Variants in PRIM2 observed in about 807,000 individuals in gnomAD.
PRIM2 encodes the protein DNA primase subunit 2.
PRIM2 carries 39 observed loss-of-function variants against 67.3 expected under a neutral mutation model. That is an observed-to-expected ratio of 0.58 (90% confidence interval 0.45 to 0.76). PRIM2 has a LOEUF of 0.76. Among genes scored for constraint, PRIM2 ranks in the 30% least tolerant of loss-of-function variants. The pLI, the probability that PRIM2 is intolerant of heterozygous loss-of-function variation, is 0.00. For missense variants in PRIM2, 398 were observed against 598.7 expected, an observed-to-expected ratio of 0.66 and a Z score of 3.50; for synonymous variants, 143 against 198.7, an observed-to-expected ratio of 0.72 and a Z score of 2.36.
the PRIM2 span, among the ~76,000 whole-genome samples, chr6:57,264,889 G>C: frequency 3.9e-5 from 6 of 152,026 alleles, no homozygotes; most frequent in Non-Finnish European, 8.8e-5. Context: ...GATTAAAGGC[G>C]TCAAAAACTT....
intron 5 of PRIM2, among the ~76,000 whole-genome samples, chr6:57,330,348 G>GGTTTTTTTTTTTT (rs1768009702): frequency 1.1e-5 from 1 of 87,838 alleles, no homozygotes; most frequent in East Asian, 3.2e-4. Context: ...TGCTGAACTT[G>GGTTTTTTTTTTTT]TTTTTTTTTT....
At chr6:57,441,682 C>A (rs1772208173) in intron 7 of PRIM2, among the ~76,000 whole-genome samples, 1 of 152,160 alleles carries the variant, frequency 6.6e-6, no homozygotes, top group Admixed American at 6.5e-5. Context: ...TAGGCATACA[C>A]AAGCAGTTTG....
intron 12 of PRIM2, among the ~76,000 whole-genome samples, chr6:57,609,850 A>C (rs1776632277): frequency 6.6e-6 from 1 of 152,228 alleles, no homozygotes; most frequent in African/African-American, 2.4e-5. Context: ...GCAGAGAGTT[A>C]ATGGATGAAA....
chr6:57,287,541 T>C, the PRIM2 span, among the ~76,000 whole-genome samples: 1 of 151,964 alleles, frequency 6.6e-6, no homozygotes, highest in African/African-American at 2.4e-5. Context: ...TTCTCAATCA[T>C]AAGTGGGAGT....
intron 7 of PRIM2, among the ~76,000 whole-genome samples, chr6:57,466,043 T>A (rs1773177991): frequency 6.6e-6 from 1 of 151,910 alleles, no homozygotes; most frequent in African/African-American, 2.4e-5. Flanking sequence ...CGTTGTTCAG[T>A]TCCCACTTAT....
chr6:57,227,007 G>A, the PRIM2 span, among the ~76,000 whole-genome samples: 1 of 152,022 alleles, frequency 6.6e-6, no homozygotes, highest in African/African-American at 2.4e-5. Context: ...GGTCTAGTGT[G>A]TTCCAGCATA....
chr6:57,503,247 A>G (rs1277904318), intron 7 of PRIM2, among the ~76,000 whole-genome samples: 1 of 152,214 alleles, frequency 6.6e-6, no homozygotes, highest in Non-Finnish European at 1.5e-5. Context: ...AAAATTAATC[A>G]GATAATTTCA....
intron 10 of PRIM2, among the ~76,000 whole-genome samples, chr6:57,541,616 C>T (rs1183804004): frequency 2.0e-5 from 3 of 152,124 alleles, no homozygotes; most frequent in Non-Finnish European, 4.4e-5. Flanking sequence ...GAGGTTGTTG[C>T]CTATAATCTC....
At chr6:57,450,455 C>T (rs1772506459) in intron 7 of PRIM2, among the ~76,000 whole-genome samples, 1 of 152,146 alleles carries the variant, frequency 6.6e-6, no homozygotes, top group African/African-American at 2.4e-5. Flanking sequence ...AGCATAATGC[C>T]AACATAGTGC....
At chr6:57,419,561 C>G (rs1388076530) in intron 7 of PRIM2, among the ~76,000 whole-genome samples, 8 of 152,024 alleles carry the variant, frequency 5.3e-5, no homozygotes, top group African/African-American at 9.7e-5. Flanking sequence ...ATCATGCAGG[C>G]AGGGAATTTG....
intron 5 of PRIM2, among the ~76,000 whole-genome samples, chr6:57,359,651 G>A (rs7765313): frequency 2.6e-5 from 4 of 152,274 alleles, no homozygotes; most frequent in South Asian, 2.1e-4. Flanking sequence ...GCTGAAAATA[G>A]CAATCAGTGT....
At chr6:57,418,186 G>A (rs1312304918) in intron 7 of PRIM2, among the ~76,000 whole-genome samples, 1 of 151,968 alleles carries the variant, frequency 6.6e-6, no homozygotes, top group Non-Finnish European at 1.5e-5. Context: ...GATAGTAAGA[G>A]TAAATGGAGA....
At chr6:57,625,046 C>T (rs1360452223) in intron 12 of PRIM2, among the ~76,000 whole-genome samples, 6 of 152,154 alleles carry the variant, frequency 3.9e-5, no homozygotes, top group South Asian at 2.1e-4. Context: ...TGGGGGAAAC[C>T]GCCCACATGA....
At chr6:57,327,861 G>T (rs556992034) in intron 5 of PRIM2, among the ~76,000 whole-genome samples, 1 of 152,112 alleles carries the variant, frequency 6.6e-6, no homozygotes, top group Non-Finnish European at 1.5e-5. Flanking sequence ...ATTTTTCCAC[G>T]GACTGAGGTC....
the PRIM2 span, among the ~76,000 whole-genome samples, chr6:57,298,923 A>C: frequency 6.6e-6 from 1 of 151,784 alleles, no homozygotes; most frequent in Non-Finnish European, 1.5e-5. Flanking sequence ...TCCATCTGTC[A>C]CCAAGCCCTG....
chr6:57,397,328 A>G (rs1478821009), intron 7 of PRIM2, among the ~76,000 whole-genome samples: 2 of 152,160 alleles, frequency 1.3e-5, no homozygotes, highest in Non-Finnish European at 2.9e-5. Flanking sequence ...CTTGTTTAAC[A>G]TAATCCCAGA....
chr6:57,259,810 C>T, the PRIM2 span, among the ~76,000 whole-genome samples: 1 of 152,176 alleles, frequency 6.6e-6, no homozygotes, highest in South Asian at 2.1e-4. Flanking sequence ...CCACTGCCCA[C>T]CAGGAATTGT....
intron 12 of PRIM2, among the ~76,000 whole-genome samples, chr6:57,612,104 CAG>C (rs1776676975): frequency 2.6e-5 from 4 of 152,112 alleles, no homozygotes. Flanking sequence ...AGTGAGGATG[CAG>C]AGTGACTGAA....
rs1160462611 is a variant in PRIM2, at chr6:57,545,654, G to A, written c.1020+8029G>A. 2.0e-5 allele frequency among the ~76,000 whole-genome samples: 3 copies of A among 152,012 alleles called. No homozygotes were observed. The South Asian group carries it at 6.2e-4, about 32-fold the overall frequency. The stretch of plus-strand genomic sequence containing the variant: ...TCTTCATGTTGATCAGGCTGGTCTC[G>A]AACTCCCGACCTCAGGTGATCTACC... On this transcript the variant is annotated intron_variant, in intron 10 of 13. Transcript: ENST00000615550.
Sources: allele counts gnomAD v4.1 joint callset (sites outside exome capture counted in the v4.1 genomes callset), GRCh38; gene constraint gnomAD v4.1.1; transcripts MANE v1.5; gene names NCBI Gene and HGNC (gene_info 2026-07-23, HGNC 2026-07-21).